LMO7: variants seen among roughly 807,000 people sequenced by gnomAD.
LMO7 encodes the protein LIM domain only protein 7.
A neutral mutation model predicts 206.5 loss-of-function variants in LMO7; 120 were observed. The ratio of observed to expected loss-of-function variants is 0.58; its 90% CI spans 0.50 to 0.68. LMO7 has a LOEUF of 0.68. LMO7 is among the 30% of genes least tolerant of loss of function. The probability of loss-of-function intolerance (pLI) is 0.00; values close to 1 mark genes in which losing one functional copy is unlikely to be tolerated. For synonymous variants in LMO7, 706 were observed against 681.5 expected (o/e 1.04, Z -0.56); for missense variants, 1,959 against 1,957.9 (o/e 1.00, Z -0.01).
chr13:75,657,011 C>T (rs1300942151), intron 1 of LMO7, among the ~76,000 whole-genome samples: 12 of 152,116 alleles, frequency 7.9e-5, no homozygotes, highest in Admixed American at 4.6e-4. Context: ...TTGTTAGGGT[C>T]GGCCAAATCC....
chr13:75,716,358 T>C (rs1700369877), intron 2 of LMO7, among the ~76,000 whole-genome samples: 1 of 152,200 alleles, frequency 6.6e-6, no homozygotes, highest in African/African-American at 2.4e-5. Flanking sequence ...AGGATAGTTA[T>C]ATGCGTTCAT....
chr13:75,746,889 A>G (rs952905384), intron 3 of LMO7, among the ~76,000 whole-genome samples: 3 of 152,096 alleles, frequency 2.0e-5, no homozygotes, highest in African/African-American at 7.2e-5. Flanking sequence ...CTCAATTTCA[A>G]GAAGCCAAAA....
Position 75,712,466 on chromosome 13 carries a change from C to G in LMO7, c.70-716C>G, listed in dbSNP as rs554320176. On this transcript the variant is annotated intron_variant, in intron 1 of 30. Transcript: ENST00000377534. Reference sequence around the variant, plus strand: ...CCCTTTTCTATCCCAGCCACCTCCCCCTTCAGAGAGAGAATCTAGAGATTT... The same window carrying G: ...CCCTTTTCTATCCCAGCCACCTCCCGCTTCAGAGAGAGAATCTAGAGATTT... Among the ~76,000 whole-genome samples, 10 of 152,260 alleles carry G rather than the reference C, an allele frequency of 6.6e-5. No homozygotes were observed. In the East Asian group the frequency reaches 1.4e-3, roughly 21 times the overall value.
At position 75,858,805 on chromosome 13, in the gene LMO7, A is replaced by G. The variant is rs530081612; in HGVS notation, c.*862A>G. Reference sequence around the variant, plus strand: ...TTACTAAGGTATAATTGATGTAATAAACTGCATATATTTAAAGTGTATACT... The same window carrying G: ...TTACTAAGGTATAATTGATGTAATAGACTGCATATATTTAAAGTGTATACT... On this transcript the variant is annotated 3_prime_UTR_variant, in exon 31 of 31. Coordinates refer to ENST00000377534, the MANE Select transcript of LMO7 (RefSeq NM_001306080.2). The G allele has an allele frequency of 6.6e-6, 1 of 152,492 alleles. No individual in the cohort carries two copies. The highest frequency in any genetic ancestry group is 2.1e-4 in the South Asian group (1 of 4,814). 9.4% of individuals were successfully genotyped at this position (152,492 alleles called of 1,614,324 possible).
intron 3 of LMO7, among the ~76,000 whole-genome samples, chr13:75,745,417 A>T (rs1027023892): frequency 1.3e-5 from 2 of 152,206 alleles, no homozygotes; most frequent in African/African-American, 4.8e-5. Flanking sequence ...TGTGAGTTTT[A>T]TCTCAATAAA....
chr13:75,750,629 A>C (rs1355442031), intron 3 of LMO7, among the ~76,000 whole-genome samples: 1 of 152,062 alleles, frequency 6.6e-6, no homozygotes, highest in Non-Finnish European at 1.5e-5. Flanking sequence ...TCCTGGTCTC[A>C]AGGAGTTGAG....
rs1209300337 is a variant in LMO7, at chr13:75,841,700, A to G, written c.3748A>G (p.Thr1250Ala). The change falls in exon 24 of 31, where the codon ACC (threonine) becomes GCC (alanine). Residue 1250 changes from threonine (T) to alanine (A), a missense_variant. Thr to Ala is a moderately conservative substitution (Grantham distance 58). Transcript: ENST00000377534. ...REPSLATWEA[T>A]WSEGSKSSDR... is the part of the protein sequence containing the mutation. ...GCCCTCTCTTGCCACCTGGGAAGCTACCTGGAGTGAAGGGTCCAAGTCTTC... is the reference window on the plus strand; with the variant it reads ...GCCCTCTCTTGCCACCTGGGAAGCTGCCTGGAGTGAAGGGTCCAAGTCTTC... 1.2e-6 allele frequency: 2 copies of G among 1,614,092 alleles called. No homozygotes were observed. Among genetic ancestry groups the G allele is most frequent in the South Asian group, 2.2e-5 (2 of 91,068 alleles).
At chr13:75,845,954 CT>C (rs2139400063) in intron 26 of LMO7, among the ~76,000 whole-genome samples, 1 of 152,220 alleles carries the variant, frequency 6.6e-6, no homozygotes, top group African/African-American at 2.4e-5. Flanking sequence ...AAGCAGGCGG[CT>C]GGTCATTTAC....
chr13:75,791,600 G>A (rs150084689), intron 4 of LMO7, among the ~76,000 whole-genome samples: 39 of 152,268 alleles, frequency 2.6e-4, no homozygotes, highest in African/African-American at 9.4e-4. Flanking sequence ...TTGGAATATA[G>A]CAGTGAACAA....
rs887502167 is a variant in LMO7, at chr13:75,684,165, C to T, written c.70-29017C>T. Reference sequence around the variant, plus strand: ...AGGGGTCCATTTAGATGGTTGGGGGCGGCCTTAGAATTTTATTTTTGGTGT... The same window carrying T: ...AGGGGTCCATTTAGATGGTTGGGGGTGGCCTTAGAATTTTATTTTTGGTGT... On this transcript the variant is annotated intron_variant, in intron 1 of 30. Coordinates refer to ENST00000377534, the MANE Select transcript of LMO7 (RefSeq NM_001306080.2). 3.9e-5 allele frequency among the ~76,000 whole-genome samples: 6 copies of T among 151,986 alleles called. 1 individual carries two copies. The South Asian group carries it at 6.2e-4, about 16-fold the overall frequency.
At chr13:75,684,547 C>CT (rs374482530) in intron 1 of LMO7, among the ~76,000 whole-genome samples, 53,512 of 128,878 alleles carry the variant, frequency 0.42, 11,979 homozygotes, top group Middle Eastern at 0.52. Flanking sequence ...GCCCGGCCGG[C>CT]TTTTTTTTTT....
chr13:75,728,944 A>G (rs1481847760), intron 3 of LMO7, among the ~76,000 whole-genome samples: 108 of 150,850 alleles, frequency 7.2e-4, no homozygotes, highest in African/African-American at 2.4e-3. Context: ...GTAGATATGC[A>G]GCATTATTTC....
At chr13:75,660,079 A>G (rs1161965524) in intron 1 of LMO7, among the ~76,000 whole-genome samples, 1 of 152,224 alleles carries the variant, frequency 6.6e-6, no homozygotes, top group African/African-American at 2.4e-5. Flanking sequence ...TTTAGTTAAT[A>G]GTTCATAATG....
intron 4 of LMO7, among the ~76,000 whole-genome samples, chr13:75,762,174 A>C (rs2048301341): frequency 6.6e-6 from 1 of 152,158 alleles, no homozygotes; most frequent in South Asian, 2.1e-4. Flanking sequence ...AAGCTTTTCT[A>C]AACTCCATGG....
rs531204633 is a variant in LMO7, at chr13:75,698,618, T to C, written c.70-14564T>C. 2.9e-4 allele frequency among the ~76,000 whole-genome samples: 44 copies of C among 151,622 alleles called. No individual in the cohort carries two copies. The South Asian group carries it at 8.0e-3, about 27-fold the overall frequency. On this transcript the variant is annotated intron_variant, in intron 1 of 30. Transcript: ENST00000377534. ...TATATTTAAGTTTTTTTTTTTTTTT[T>C]CGGGGAGGGGTAGGCATTTAGAGTA...
chr13:75,647,607 CTGAT>C (rs1248845174), intron 1 of LMO7, among the ~76,000 whole-genome samples: 5 of 152,242 alleles, frequency 3.3e-5, no homozygotes, highest in Non-Finnish European at 7.4e-5. Flanking sequence ...TCACAACTCA[CTGAT>C]TGAGTTGTGT....
Position 75,830,534 on chromosome 13 carries a change from C to G in LMO7, c.2950-2517C>G, listed in dbSNP as rs535893302. Among the ~76,000 whole-genome samples, 6 of 152,338 alleles carry G rather than the reference C, an allele frequency of 3.9e-5. No homozygotes were observed. In the South Asian group the frequency reaches 1.2e-3, roughly 32 times the overall value. On this transcript the variant is annotated intron_variant, in intron 15 of 30. Coordinates refer to ENST00000377534, the MANE Select transcript of LMO7 (RefSeq NM_001306080.2). ...CACCTGTAATTGCCCATGTGGTCCT[C>G]TCCTCTTTGCCTGTGTTCTGTCCCA...
chr13:75,762,347 T>C (rs558821078), intron 4 of LMO7, among the ~76,000 whole-genome samples: 75 of 152,294 alleles, frequency 4.9e-4, no homozygotes, highest in Non-Finnish European at 7.8e-4. Context: ...GTGTATTTGT[T>C]TTATTTTTCC....
At chr13:75,715,254 G>T (rs1463472220) in intron 2 of LMO7, among the ~76,000 whole-genome samples, 1 of 152,206 alleles carries the variant, frequency 6.6e-6, no homozygotes, top group Non-Finnish European at 1.5e-5. Flanking sequence ...GATCTGCATA[G>T]TGTGACCAAG....
Sources: allele counts gnomAD v4.1 joint callset (sites outside exome capture counted in the v4.1 genomes callset), GRCh38; gene constraint gnomAD v4.1.1; transcripts MANE v1.5; gene names NCBI Gene and HGNC (gene_info 2026-07-23, HGNC 2026-07-21).